Variants in EVC observed in about 807,000 individuals in gnomAD.
The protein encoded by EVC is EvC ciliary complex subunit 1, also known as evC complex member EVC.
Under a neutral mutation model 118.9 loss-of-function variants are expected in EVC, and 116 were observed. The ratio of observed to expected loss-of-function variants is 0.98; its 90% CI spans 0.84 to 1.14. The LOEUF (loss-of-function observed/expected upper bound fraction) is 1.14, where lower values mean the gene tolerates loss of function less well. EVC is among the 50% of genes most tolerant of loss of function. The pLI, the probability that EVC is intolerant of heterozygous loss-of-function variation, is 0.00. For missense variants in EVC, 1,401 were observed against 1,246.4 expected, an observed-to-expected ratio of 1.12 and a Z score of -1.87; for synonymous variants, 619 against 534.7, an observed-to-expected ratio of 1.16 and a Z score of -2.18.
At chr4:5,818,391 C>T (rs76510561), downstream of EVC, among the ~76,000 whole-genome samples, 249 of 152,260 alleles carry the variant, frequency 1.6e-3, 5 homozygotes, top group East Asian at 0.045. Flanking sequence ...TCAGAGCCAA[C>T]AGTTAAGTGG....
rs753304898 is a variant in EVC, at chr4:5,745,190, TTCTTC to T, written c.802-12_802-8del. 103 of 1,611,116 alleles carry T rather than the reference TTCTTC, an allele frequency of 6.4e-5. 1 individual carries two copies. The Middle Eastern group carries it at 2.8e-3, about 44-fold the overall frequency. ...CTTTGTTTATTTGCTTTCTTTTTTC[TTCTTC>T]TTCTTCAGGATTTGGAGGAACTAGA... On this transcript the variant is annotated splice_polypyrimidine_tract_variant and intron_variant, in intron 6 of 20. Transcript: ENST00000264956.
At chr4:5,823,213 G>A in the EVC span, among the ~76,000 whole-genome samples, 30 of 152,250 alleles carry the variant, frequency 2.0e-4, no homozygotes, top group South Asian at 3.3e-3. Flanking sequence ...TAGACTAGAT[G>A]AGCCCCTTCC....
chr4:5,746,522 A>T lies in EVC; in HGVS notation c.939+1181A>T, dbSNP rs1729377884. On this transcript the variant is annotated intron_variant, in intron 7 of 20. Transcript: ENST00000264956. This position sits in a 1 kb window ranked among gnomAD's most constrained non-coding sequence, Gnocchi z 5.8. ...CAATATTGAGAGGAGAGGCTTGGAGATGGAGGGTCTCCATGAGAGCCCAGG... is the reference window on the plus strand; with the variant it reads ...CAATATTGAGAGGAGAGGCTTGGAGTTGGAGGGTCTCCATGAGAGCCCAGG... Among the ~76,000 whole-genome samples the T allele has an allele frequency of 1.3e-5, 2 of 152,048 alleles. No homozygotes were observed. The highest frequency in any genetic ancestry group is 2.1e-4 in the South Asian group (1 of 4,812).
At chr4:5,741,947 G>T in intron 6 of EVC, 133 bp downstream of exon 6, 2 of 495,568 alleles carry the variant, frequency 4.0e-6, no homozygotes, top group Non-Finnish European at 7.2e-6. Context: ...ACACAGTATA[G>T]TGAAATATAA....
At chr4:5,828,362 G>A in the EVC span, 3 of 1,442,194 alleles carry the variant, frequency 2.1e-6, no homozygotes, top group East Asian at 5.0e-5. Context: ...CCATTTAACA[G>A]ATAAGGAAAC....
chr4:5,795,716 G>A (rs1316945912), intron 13 of EVC, among the ~76,000 whole-genome samples: 1 of 152,222 alleles, frequency 6.6e-6, no homozygotes, highest in Non-Finnish European at 1.5e-5. Context: ...GGGACACCTG[G>A]TGAGCCATAC....
rs760314747 is a variant in EVC at position 5,810,405 on chromosome 4, A to T, written c.2849A>T (p.Asn950Ile). ...PQERGDLGVP[N>I]NEDLASGDQT... ...GAAAGAGGGGACCTGGGGGTGCCCA[A>T]CAATGAGGACCTTGCCTCCGGGGAC... is the stretch of plus-strand genomic sequence containing the variant. The change falls in exon 20 of 21, where the codon AAC becomes ATC. Residue 950 changes from asparagine (N) to isoleucine (I), a missense_variant. Asn to Ile is a moderately radical substitution (Grantham distance 149, BLOSUM62 -3). Transcript: ENST00000264956. The T allele has an allele frequency of 6.2e-7, 1 of 1,613,790 alleles. No individual in the cohort carries two copies. The highest frequency in any genetic ancestry group is 1.1e-5 in the South Asian group (1 of 90,880).
At chr4:5,779,436 T>A (rs1412236705) in intron 11 of EVC, among the ~76,000 whole-genome samples, 1 of 149,974 alleles carries the variant, frequency 6.7e-6, no homozygotes, top group East Asian at 1.9e-4. Context: ...TTGGGCAGTA[T>A]GGCCATTTTC....
chr4:5,801,528 AAAT>A (rs1714969315), intron 15 of EVC, among the ~76,000 whole-genome samples: 1 of 152,084 alleles, frequency 6.6e-6, no homozygotes, highest in African/African-American at 2.4e-5. Flanking sequence ...AAAATACAAA[AAAT>A]TAGCCAGGCC....
At chr4:5,827,118 C>G in the EVC span, among the ~76,000 whole-genome samples, 1 of 152,190 alleles carries the variant, frequency 6.6e-6, no homozygotes, top group African/African-American at 2.4e-5. Flanking sequence ...GCAATGGGAC[C>G]CCCCGATCCT....
Position 5,756,446 on chromosome 4 carries a change from C to A in EVC, c.1563+84C>A. The A allele has an allele frequency of 8.1e-7, 1 of 1,241,256 alleles. No individual in the cohort carries two copies. Among genetic ancestry groups the A allele is most frequent in the South Asian group, 1.3e-5 (1 of 77,850 alleles). 76.9% of individuals were successfully genotyped at this position (1,241,256 alleles called of 1,614,324 possible). On this transcript the variant is annotated intron_variant, in intron 11 of 20. Transcript: ENST00000264956. The surrounding 1 kb of genome is among the most constrained non-coding windows in gnomAD (Gnocchi z 4.2). ...CCTCACATCCTCCTGGCTGGGGACC[C>A]CAGAGGTGGTTCAGGTCCAACCCCG...
chr4:5,809,578 AGCAAACTGTT>A lies in EVC; in HGVS notation c.2752_2761del (p.Lys918LeufsTer7), dbSNP rs1404613851. 6.2e-7 allele frequency: 1 copy of A among 1,614,230 alleles called. No individual in the cohort carries two copies. The highest frequency in any genetic ancestry group is 1.3e-5 in the African/African-American group (1 of 75,068). On this transcript the variant is annotated frameshift_variant, in exon 19 of 21. Transcript: ENST00000264956. LOFTEE classifies it high-confidence loss of function. ...CTTGGCCCGAGTGCCCCTTGCTGAA[AGCAAACTGTT>A]GCCTGCTAAGCGTGGGCTGCTAGGT...
At chr4:5,733,263 G>C in intron 4 of EVC, 88 bp from the exon 5 acceptor site, 2 of 1,054,114 alleles carry the variant, frequency 1.9e-6, no homozygotes, top group Non-Finnish European at 2.9e-6. Flanking sequence ...GTGTGCTGTG[G>C]CTTGTACTGA....
At chr4:5,784,344 G>A (rs1351429776) in intron 12 of EVC, among the ~76,000 whole-genome samples, 1 of 152,130 alleles carries the variant, frequency 6.6e-6, no homozygotes, top group East Asian at 1.9e-4. Flanking sequence ...GAGGGTTGAT[G>A]TTCTAAGCAG....
intron 8 of EVC, 185 bp from the exon 9 acceptor site, chr4:5,752,651 C>T: frequency 1.5e-6 from 1 of 689,268 alleles, no homozygotes. Context: ...ACACTTAATC[C>T]CCACCTCGGG....
Position 5,802,054 on chromosome 4 carries a change from C to T in EVC, c.2409C>T (p.Asp803=). ...YYQQIGRIME[D]HEERKLQHLK... is the part of the protein sequence containing the mutation. Reference sequence around the variant, plus strand: ...AGCAAATCGGAAGGATCATGGAGGACCACGAGGAGAGAAAACTGCAGCACC... The same window carrying T: ...AGCAAATCGGAAGGATCATGGAGGATCACGAGGAGAGAAAACTGCAGCACC... The change falls in exon 16 of 21, where the codon GAC becomes GAT. Residue 803 remains aspartate (D), a synonymous_variant. Transcript: ENST00000264956. The T allele has an allele frequency of 6.2e-7, 1 of 1,614,214 alleles. No individual in the cohort carries two copies. The highest frequency in any genetic ancestry group is 8.5e-7 in the Non-Finnish European group (1 of 1,180,044).
the EVC span, chr4:5,824,570 A>G: frequency 7.4e-4 from 722 of 975,450 alleles, 9 homozygotes; most frequent in East Asian, 0.044. Context: ...AAACGGGTCC[A>G]TTGACCAAAT....
In EVC at chr4:5,810,944, T is replaced by C; in HGVS notation, c.2895-9T>C. 6.2e-7 allele frequency: 1 copy of C among 1,610,444 alleles called. No individual in the cohort carries two copies. The highest frequency in any genetic ancestry group is 2.2e-5 in the East Asian group (1 of 44,666). Reference sequence around the variant, plus strand: ...GTTCTAACTGGCTGCCTTTCTTCTCTGTTTTAAGCAGCAAAAGGCTGAGTC... The same window carrying C: ...GTTCTAACTGGCTGCCTTTCTTCTCCGTTTTAAGCAGCAAAAGGCTGAGTC... On this transcript the variant is annotated splice_polypyrimidine_tract_variant and intron_variant, in intron 20 of 20. Transcript: ENST00000264956.
chr4:5,748,564 T>G (rs1280691289), intron 8 of EVC, among the ~76,000 whole-genome samples: 1 of 48,518 alleles, frequency 2.1e-5, no homozygotes, highest in East Asian at 8.2e-4. Flanking sequence ...TCCCACCCAT[T>G]TATCCATCCA....
Sources: allele counts gnomAD v4.1 joint callset (sites outside exome capture counted in the v4.1 genomes callset), GRCh38; gene constraint gnomAD v4.1.1; non-coding constraint Gnocchi (gnomAD v3.1); transcripts MANE v1.5; gene names NCBI Gene and HGNC (gene_info 2026-07-23, HGNC 2026-07-21).